HIPK2: variants seen among roughly 807,000 people sequenced by gnomAD.
The protein encoded by HIPK2 is homeodomain interacting protein kinase 2.
HIPK2 carries 27 observed loss-of-function variants against 113.7 expected under a neutral mutation model. That is an observed-to-expected ratio of 0.24 (90% CI 0.17 to 0.33). The LOEUF (loss-of-function observed/expected upper bound fraction) is 0.33. Among genes scored for constraint, HIPK2 ranks in the 10% least tolerant of loss-of-function variants. The pLI, the probability that HIPK2 is intolerant of heterozygous loss-of-function variation, is 1.00. For missense variants in HIPK2, 1,257 were observed against 1,588.0 expected (o/e 0.79, Z 3.54); for synonymous variants, 631 against 642.2 (o/e 0.98, Z 0.26).
rs141036961 is a variant in HIPK2, at chr7:139,602,620, C to T, written c.2255+1461G>A. Among the ~76,000 whole-genome samples, 692 of 148,412 alleles carry T rather than the reference C, an allele frequency of 4.7e-3. 7 individuals are homozygous for T. The highest frequency in any genetic ancestry group is 0.016 in the African/African-American group (648 of 39,920). ...TGTGGTCTTTTAGGAGAAAAAGGGG[C>T]GAGGGAAAAAAAAAAACCCAGTTGG... On this transcript the variant is annotated intron_variant, in intron 10 of 14. Transcript: ENST00000406875.
chr7:139,703,702 A>AT (rs1554447465), intron 2 of HIPK2, among the ~76,000 whole-genome samples: 2 of 145,870 alleles, frequency 1.4e-5, no homozygotes, highest in African/African-American at 5.1e-5. Flanking sequence ...CAACACATAC[A>AT]CCCCTCCACA....
Position 139,567,778 on chromosome 7 carries a change from C to CTCTGCTAGT in HIPK2, c.*5140_*5148dup, listed in dbSNP as rs1281739058. 2 of 152,262 alleles carry CTCTGCTAGT rather than the reference C, an allele frequency of 1.3e-5. No individual in the cohort carries two copies. The highest frequency in any genetic ancestry group is 2.9e-5 in the Non-Finnish European group (2 of 68,106). 9.4% of individuals were successfully genotyped at this position (152,262 alleles called of 1,614,324 possible). A position where few individuals can be genotyped will look rare whatever the true frequency, so the allele number is the denominator to read the frequency against. Reference sequence around the variant, plus strand: ...GGAACCCTTACCTCTCCTCAATTCTCTCTGCTAGTTGAGAGCACCGAGCCA... The same window carrying CTCTGCTAGT: ...GGAACCCTTACCTCTCCTCAATTCTCTCTGCTAGTTCTGCTAGTTGAGAGCACCGAGCCA... On this transcript the variant is annotated 3_prime_UTR_variant, in exon 15 of 15. Coordinates refer to ENST00000406875, the MANE Select transcript of HIPK2 (RefSeq NM_022740.5).
intron 2 of HIPK2, among the ~76,000 whole-genome samples, chr7:139,657,281 G>A (rs570744901): frequency 9.2e-5 from 14 of 152,328 alleles, no homozygotes; most frequent in Admixed American, 5.2e-4. Context: ...CTGACCCTCC[G>A]TGGGAGGTAC....
Position 139,579,628 on chromosome 7 carries a change from TC to T in HIPK2, c.2965+4188del, listed in dbSNP as rs370801969. 5.1e-3 allele frequency among the ~76,000 whole-genome samples: 768 copies of T among 151,676 alleles called. 4 individuals are homozygous for T. The highest frequency in any genetic ancestry group is 0.017 in the African/African-American group (710 of 40,978). ...ATGTGCCTCTAGAGGTCTCAGCCTC[TC>T]AAGAAGGTCAAAGGAAAACCGGAAA... On this transcript the variant is annotated intron_variant, in intron 13 of 14. Coordinates refer to ENST00000406875, the MANE Select transcript of HIPK2 (RefSeq NM_022740.5).
In HIPK2 at chr7:139,596,749, G is replaced by C. The variant is rs371213842; in HGVS notation, c.2685C>G (p.Asp895Glu). The C allele has an allele frequency of 1.9e-6, 3 of 1,613,144 alleles. No individual in the cohort carries two copies. The highest frequency in any genetic ancestry group is 4.5e-5 in the East Asian group (2 of 44,866). ...VSVITISSDT[D>E]EEEEQKHAPT... ...GGGCGTGTTTCTGTTCCTCCTCCTC[G>C]TCCGTGTCACTGCTGATGGTGATGA... Residue 895 changes from aspartate to glutamate, a missense_variant, in exon 12 of 15, where the codon GAC becomes GAG. Asp to Glu is a conservative substitution (Grantham distance 45). Coordinates refer to ENST00000406875, the MANE Select transcript of HIPK2 (RefSeq NM_022740.5).
At chr7:139,686,655 G>A (rs193137792) in intron 2 of HIPK2, among the ~76,000 whole-genome samples, 2 of 152,326 alleles carry the variant, frequency 1.3e-5, no homozygotes, top group Admixed American at 6.5e-5. Flanking sequence ...TGCCATGATT[G>A]TAAGTTTTCT....
At chr7:139,725,935 C>A (rs887883429) in intron 1 of HIPK2, among the ~76,000 whole-genome samples, 1 of 152,168 alleles carries the variant, frequency 6.6e-6, no homozygotes, top group African/African-American at 2.4e-5. Context: ...CTACAATCAC[C>A]AAACAACGAG....
Position 139,596,948 on chromosome 7 carries a change from T to C in HIPK2, c.2486A>G (p.Gln829Arg). Reference protein sequence around the residue: ...VSSSQAISSPQRSKRVKENTP... With the variant: ...VSSSQAISSPRRSKRVKENTP... ...GTTCTCCTTGACACGCTTGGATCGCTGTGGGGAGCTGATGGCCTGAGAGGA... is the reference window on the plus strand; with the variant it reads ...GTTCTCCTTGACACGCTTGGATCGCCGTGGGGAGCTGATGGCCTGAGAGGA... Residue 829 changes from glutamine to arginine, a missense_variant, in exon 12 of 15, where the codon CAG becomes CGG. By Grantham distance (43) the Gln-to-Arg change is conservative (BLOSUM62 1). Coordinates refer to ENST00000406875, the MANE Select transcript of HIPK2 (RefSeq NM_022740.5). The C allele has an allele frequency of 6.2e-7, 1 of 1,608,430 alleles. No individual in the cohort carries two copies. The highest frequency in any genetic ancestry group is 8.5e-7 in the Non-Finnish European group (1 of 1,175,528).
intron 4 of HIPK2, among the ~76,000 whole-genome samples, chr7:139,629,803 G>A (rs1474202368): frequency 6.6e-6 from 1 of 152,206 alleles, no homozygotes; most frequent in Non-Finnish European, 1.5e-5. Flanking sequence ...AGCTGGACAT[G>A]TGGGACTGAG....
Position 139,576,889 on chromosome 7 carries a change from T to G in HIPK2, c.2966-1601A>C, listed in dbSNP as rs999978080. Among the ~76,000 whole-genome samples the G allele has an allele frequency of 5.3e-4, 80 of 152,160 alleles. 1 individual carries two copies. Among genetic ancestry groups the G allele is most frequent in the African/African-American group, 1.4e-3 (60 of 41,432 alleles). ...ATCTCCCCACCCCAGCTTGGGGAGT[T>G]CTGCAGACAGGACCATCACCCCTTG... is the stretch of plus-strand genomic sequence containing the variant. On this transcript the variant is annotated intron_variant, in intron 13 of 14. Transcript: ENST00000406875.
chr7:139,722,587 A>G (rs1795445584), intron 1 of HIPK2, among the ~76,000 whole-genome samples: 1 of 152,184 alleles, frequency 6.6e-6, no homozygotes, highest in Non-Finnish European at 1.5e-5. Context: ...CAGGATTCTT[A>G]AAACACTTAT....
intron 2 of HIPK2, among the ~76,000 whole-genome samples, chr7:139,645,761 C>G (rs1326184547): frequency 1.3e-5 from 2 of 152,056 alleles, no homozygotes; most frequent in Non-Finnish European, 2.9e-5. Flanking sequence ...TGTTTTTTAC[C>G]CAATTTTAGA....
At chr7:139,756,012 G>A (rs1453936874) in intron 1 of HIPK2, among the ~76,000 whole-genome samples, 1 of 152,222 alleles carries the variant, frequency 6.6e-6, no homozygotes, top group Non-Finnish European at 1.5e-5. Context: ...CTCAGGCTCA[G>A]ACAGTTAGAG....
chr7:139,714,348 G>A lies in HIPK2; in HGVS notation c.1103+1584C>T, dbSNP rs1005388878. On this transcript the variant is annotated intron_variant, in intron 2 of 14. Coordinates refer to ENST00000406875, the MANE Select transcript of HIPK2 (RefSeq NM_022740.5). This position sits in a 1 kb window ranked among gnomAD's most constrained non-coding sequence, Gnocchi z 4.2. ...GGATTAGGATGAAAGGAGACGGGGT[G>A]GAAGGTGGGAGGGCATCTGGGGATC... is the stretch of plus-strand genomic sequence containing the variant. 6.6e-6 allele frequency among the ~76,000 whole-genome samples: 1 copy of A among 152,196 alleles called. No homozygotes were observed. Among genetic ancestry groups the A allele is most frequent in the African/African-American group, 2.4e-5 (1 of 41,452 alleles).
chr7:139,605,635 C>A (rs1239369810), intron 9 of HIPK2, among the ~76,000 whole-genome samples: 1 of 152,102 alleles, frequency 6.6e-6, no homozygotes, highest in East Asian at 1.9e-4. Context: ...CTGAGTGGAC[C>A]AGTTCACCTG....
At chr7:139,622,718 C>G (rs1800276814) in intron 6 of HIPK2, among the ~76,000 whole-genome samples, 1 of 152,164 alleles carries the variant, frequency 6.6e-6, no homozygotes, top group African/African-American at 2.4e-5. Flanking sequence ...TGGAGTTCTT[C>G]AAGGTTTTCC....
At chr7:139,771,561 G>A (rs752693313) in intron 1 of HIPK2, among the ~76,000 whole-genome samples, 5 of 152,134 alleles carry the variant, frequency 3.3e-5, no homozygotes, top group Non-Finnish European at 7.3e-5. Context: ...TTTATGAAGC[G>A]CCTACTAGGT....
chr7:139,572,004 C>T lies in HIPK2; in HGVS notation c.*923G>A, dbSNP rs1343394464. On this transcript the variant is annotated 3_prime_UTR_variant, in exon 15 of 15. Transcript: ENST00000406875. ...CTATTGGTATCATTGGAGTTGAACA[C>T]AAGGTAGGAGACAAGGGTGCTGAGT... 1 of 152,242 alleles carries T rather than the reference C, an allele frequency of 6.6e-6. No individual in the cohort carries two copies. Among genetic ancestry groups the T allele is most frequent in the African/African-American group, 2.4e-5 (1 of 41,456 alleles). The allele number at this position is 152,242 out of a possible 1,614,324, so 9.4% of individuals were successfully genotyped here.
intron 2 of HIPK2, among the ~76,000 whole-genome samples, chr7:139,699,863 G>A (rs936893675): frequency 2.0e-5 from 3 of 152,184 alleles, no homozygotes; most frequent in African/African-American, 4.8e-5. Context: ...GTGCCCTCCC[G>A]GGAGGCACAC....
Sources: gnomAD v4.1 joint callset for allele counts (sites outside exome capture counted in the v4.1 genomes callset) on GRCh38, gnomAD v4.1.1 for gene constraint, Gnocchi (gnomAD v3.1) non-coding constraint, MANE v1.5 for transcripts, NCBI Gene and HGNC (gene_info 2026-07-23, HGNC 2026-07-21) for gene names.